The following WLS variants were observed in gnomAD, a reference collection of about 807,000 sequenced individuals.
The protein encoded by WLS is protein wntless homolog.
In WLS, 23 loss-of-function variants were observed where a neutral mutation model predicts 62.8. The observed-to-expected ratio is 0.37, with a 90% CI of 0.26 to 0.52. WLS has a LOEUF of 0.52. Among genes scored for constraint, WLS ranks in the 20% least tolerant of loss-of-function variants. The probability of loss-of-function intolerance (pLI) is 0.92; values close to 1 mark genes in which losing one functional copy is unlikely to be tolerated. For synonymous variants in WLS, 246 were observed against 244.1 expected (o/e 1.01, Z -0.07); for missense variants, 615 against 697.3 (o/e 0.88, Z 1.33).
intron 2 of WLS, among the ~76,000 whole-genome samples, chr1:68,179,807 C>T (rs1172357699): frequency 6.6e-6 from 1 of 152,176 alleles, no homozygotes; most frequent in African/African-American, 2.4e-5. Flanking sequence ...TCTCTGTGCA[C>T]GTGTAGAATG....
At chr1:68,190,583 G>A (rs1557508779) in intron 2 of WLS, among the ~76,000 whole-genome samples, 1 of 152,204 alleles carries the variant, frequency 6.6e-6, no homozygotes, top group Non-Finnish European at 1.5e-5. Flanking sequence ...CCATGTGGGA[G>A]GGATGGAAGC....
intron 5 of WLS, among the ~76,000 whole-genome samples, chr1:68,151,524 T>C (rs147707420): frequency 1.1e-3 from 171 of 152,192 alleles, no homozygotes; most frequent in African/African-American, 4.0e-3. Flanking sequence ...AAGCAAGGAT[T>C]GTGCTCTTGT....
chr1:68,204,333 T>C (rs537391922), intron 1 of WLS, among the ~76,000 whole-genome samples: 1 of 152,116 alleles, frequency 6.6e-6, no homozygotes, highest in African/African-American at 2.4e-5. Context: ...ATTAATTTTT[T>C]TTTTTAGACG....
intron 11 of WLS, among the ~76,000 whole-genome samples, chr1:68,132,019 T>C (rs1447643530): frequency 6.6e-6 from 1 of 152,204 alleles, no homozygotes; most frequent in Admixed American, 6.5e-5. Flanking sequence ...GTCTGTAGTA[T>C]TCGTATAGCA....
intron 1 of WLS, among the ~76,000 whole-genome samples, chr1:68,204,554 G>T (rs938333084): frequency 2.0e-5 from 3 of 152,096 alleles, no homozygotes; most frequent in African/African-American, 7.2e-5. Flanking sequence ...TGATCCGCCC[G>T]CCTGGGCCTC....
chr1:68,145,876 T>TG lies in WLS; in HGVS notation c.1270dup (p.His424ProfsTer3), dbSNP rs1646746426. ...GCCAAGAAATCTGCCCACCTCATAG[T>TG]GTAGCCGCCGGACTTTGCTCATAGC... On this transcript the variant is annotated frameshift_variant, in exon 9 of 12. Coordinates refer to ENST00000262348, the MANE Select transcript of WLS (RefSeq NM_024911.7). LOFTEE classifies it high-confidence loss of function. 1 of 1,614,016 alleles carries TG rather than the reference T, an allele frequency of 6.2e-7. No individual in the cohort carries two copies. Among genetic ancestry groups the TG allele is most frequent in the Admixed American group, 1.7e-5 (1 of 60,002 alleles).
chr1:68,103,871 C>T (rs1466222148), intron 11 of WLS, among the ~76,000 whole-genome samples: 1 of 152,152 alleles, frequency 6.6e-6, no homozygotes, highest in Admixed American at 6.5e-5. Flanking sequence ...GTTTAAACAG[C>T]CCTGATTGTT....
intron 1 of WLS, among the ~76,000 whole-genome samples, chr1:68,204,550 G>A (rs762916423): frequency 1.3e-5 from 2 of 152,088 alleles, no homozygotes; most frequent in African/African-American, 2.4e-5. Flanking sequence ...CTGGTGATCC[G>A]CCCGCCTGGG....
chr1:68,171,375 T>A (rs988939847), intron 2 of WLS, among the ~76,000 whole-genome samples: 4 of 151,790 alleles, frequency 2.6e-5, no homozygotes. Context: ...TCAGAGTAAA[T>A]AGGCAACTAC....
intron 11 of WLS, among the ~76,000 whole-genome samples, chr1:68,103,952 G>T (rs1646111069): frequency 6.6e-6 from 1 of 152,126 alleles, no homozygotes; most frequent in African/African-American, 2.4e-5. Flanking sequence ...TCCTTGACTT[G>T]GCTGTCTGGC....
intron 11 of WLS, among the ~76,000 whole-genome samples, chr1:68,114,333 A>G (rs1348070189): frequency 6.6e-6 from 1 of 152,194 alleles, no homozygotes; most frequent in Non-Finnish European, 1.5e-5. Context: ...TAGCTGAAAT[A>G]TGTCATTTGG....
At chr1:68,133,063 A>ACAG (rs1011324271) in intron 11 of WLS, among the ~76,000 whole-genome samples, 5 of 53,080 alleles carry the variant, frequency 9.4e-5, no homozygotes, top group Admixed American at 1.9e-4. Context: ...AGCAACAGCA[A>ACAG]CAGCAGCAGC....
intron 1 of WLS, among the ~76,000 whole-genome samples, chr1:68,195,360 A>G (rs1230009615): frequency 2.6e-5 from 4 of 152,212 alleles, no homozygotes; most frequent in Non-Finnish European, 5.9e-5. Context: ...CATCTCTTAG[A>G]TGGCAATAAT....
intron 1 of WLS, among the ~76,000 whole-genome samples, chr1:68,205,517 T>C (rs987541168): frequency 6.6e-6 from 1 of 152,236 alleles, no homozygotes; most frequent in Non-Finnish European, 1.5e-5. Flanking sequence ...GACTTACAGT[T>C]ATTTACCTTC....
chr1:68,115,379 A>C (rs1646277621), intron 11 of WLS, among the ~76,000 whole-genome samples: 1 of 152,250 alleles, frequency 6.6e-6, no homozygotes, highest in Non-Finnish European at 1.5e-5. Flanking sequence ...TTGGGATGAC[A>C]CTAGGAATTC....
At chr1:68,180,424 TGA>T (rs1315799717) in intron 2 of WLS, among the ~76,000 whole-genome samples, 1 of 152,134 alleles carries the variant, frequency 6.6e-6, no homozygotes, top group African/African-American at 2.4e-5. Context: ...GAGGAAAAGC[TGA>T]GTGTTGGGAG....
exon 12 of WLS, chr1:68,098,630 A>T: frequency 6.2e-7 from 1 of 1,613,608 alleles, no homozygotes; most frequent in Non-Finnish European, 8.5e-7. Context: ...TGCCTTGTTG[A>T]CTCAAATACC....
At chr1:68,198,225 G>A (rs1648787090) in intron 1 of WLS, among the ~76,000 whole-genome samples, 1 of 152,168 alleles carries the variant, frequency 6.6e-6, no homozygotes, top group Non-Finnish European at 1.5e-5. Flanking sequence ...AATATGCCTA[G>A]TCACTGTAAA....
intron 2 of WLS, among the ~76,000 whole-genome samples, chr1:68,178,526 G>A (rs1027418201): frequency 6.6e-6 from 1 of 152,030 alleles, no homozygotes; most frequent in Non-Finnish European, 1.5e-5. Flanking sequence ...GACTAACATT[G>A]TGAAACCCCG....
Sources: gnomAD v4.1 joint callset for allele counts (sites outside exome capture counted in the v4.1 genomes callset) on GRCh38, gnomAD v4.1.1 for gene constraint, MANE v1.5 for transcripts, NCBI Gene and HGNC (gene_info 2026-07-23, HGNC 2026-07-21) for gene names.